The following RNF43 variants were observed in gnomAD, a reference collection of about 807,000 sequenced individuals.
RNF43 encodes the protein E3 ubiquitin-protein ligase RNF43.
In RNF43, 37 loss-of-function variants were observed where a neutral mutation model predicts 78.4. The observed-to-expected ratio is 0.47, with a 90% confidence interval of 0.36 to 0.62. The LOEUF is 0.62. RNF43 is among the 20% of genes least tolerant of loss of function. RNF43 has a pLI of 0.00. For synonymous variants in RNF43, 347 were observed against 395.0 expected (o/e 0.88, Z 1.44); for missense variants, 774 against 1,007.9 (o/e 0.77, Z 3.14).
chr17:58,358,641 G>A lies in RNF43; in HGVS notation c.1135C>T (p.Gln379Ter), dbSNP rs1366537134. The A allele has an allele frequency of 6.5e-7, 1 of 1,534,148 alleles. No homozygotes were observed. The highest frequency in any genetic ancestry group is 8.8e-7 in the Non-Finnish European group (1 of 1,137,926). Reference protein sequence around the residue: ...PPRPGPFLPSQEPGMGPRHHR... With the variant: ...PPRPGPFLPS ...TGCCGAGGGCCCATGCCTGGCTCCT[G>A]GGATGGCAGGAAGGGACCAGGTCGT... The change falls in exon 9 of 10, where the codon CAG (glutamine) becomes TAG (stop). Residue 379 changes from glutamine to a stop codon, truncating the protein, a stop_gained. Transcript: ENST00000407977. LOFTEE classifies it high-confidence loss of function. The surrounding 1 kb of genome is among the most constrained non-coding windows in gnomAD (Gnocchi z 6.2).
chr17:58,408,428 T>A (rs1229364937), intron 2 of RNF43, among the ~76,000 whole-genome samples: 2 of 152,186 alleles, frequency 1.3e-5, no homozygotes, highest in African/African-American at 4.8e-5. Flanking sequence ...CAAATTTAAG[T>A]ACTAAGAAGG....
intron 5 of RNF43, 55 bp from the exon 6 acceptor site, chr17:58,362,703 T>C: frequency 7.1e-7 from 1 of 1,416,856 alleles, no homozygotes; most frequent in Non-Finnish European, 9.7e-7. Context: ...GCTGGGTCAA[T>C]TCGGGAGGAA....
chr17:58,361,739 C>T (rs1239021097), intron 6 of RNF43, among the ~76,000 whole-genome samples: 1 of 152,216 alleles, frequency 6.6e-6, no homozygotes, highest in African/African-American at 2.4e-5. Context: ...GTTCCAGCCA[C>T]AGCCTTCATG....
At chr17:58,393,521 T>C (rs183001999) in intron 2 of RNF43, among the ~76,000 whole-genome samples, 1 of 152,366 alleles carries the variant, frequency 6.6e-6, no homozygotes, top group East Asian at 1.9e-4. Flanking sequence ...TCTACTGTTA[T>C]TAGTAAGGAT....
At chr17:58,371,450 G>C (rs1973095025) in intron 2 of RNF43, among the ~76,000 whole-genome samples, 1 of 152,234 alleles carries the variant, frequency 6.6e-6, no homozygotes, top group African/African-American at 2.4e-5. Context: ...ATGTGTGCCT[G>C]CATCAGTGCT....
chr17:58,369,165 T>A (rs1973027199), intron 3 of RNF43, among the ~76,000 whole-genome samples: 1 of 151,584 alleles, frequency 6.6e-6, no homozygotes, highest in Non-Finnish European at 1.5e-5. Context: ...AATAAATGAG[T>A]GACATTTGCC....
chr17:58,366,159 T>C lies in RNF43; in HGVS notation c.376-2559A>G, dbSNP rs146264917. On this transcript the variant is annotated intron_variant, in intron 3 of 9. Coordinates refer to ENST00000407977, the MANE Select transcript of RNF43 (RefSeq NM_017763.6). ...ACATGAAGCTATAACGCTGATAATATTCTAAAGCACAAAGGAATAGAAACG... is the reference window on the plus strand; with the variant it reads ...ACATGAAGCTATAACGCTGATAATACTCTAAAGCACAAAGGAATAGAAACG... 5.6e-4 allele frequency among the ~76,000 whole-genome samples: 86 copies of C among 152,364 alleles called. 2 individuals carry two copies. In the East Asian group the frequency reaches 0.014, roughly 25 times the overall value.
chr17:58,390,851 TTTTG>T lies in RNF43; in HGVS notation c.253-19822_253-19819del, dbSNP rs1362392197. On this transcript the variant is annotated intron_variant, in intron 2 of 9. Transcript: ENST00000407977. ...AAATTTTAAACAAAGGACTGAAACT[TTTTG>T]TTTTTCACAGAATGAAGTTTCCCTG... is the stretch of plus-strand genomic sequence containing the variant. 2.6e-5 allele frequency among the ~76,000 whole-genome samples: 4 copies of T among 152,276 alleles called. No homozygotes were observed. In the South Asian group the frequency reaches 6.2e-4, roughly 24 times the overall value.
intron 3 of RNF43, among the ~76,000 whole-genome samples, chr17:58,370,434 G>C (rs1187338674): frequency 6.6e-6 from 1 of 152,202 alleles, no homozygotes; most frequent in African/African-American, 2.4e-5. Context: ...ACATTGAAAA[G>C]TCGCTGTGAG....
At chr17:58,379,294 T>C (rs991010645) in intron 2 of RNF43, among the ~76,000 whole-genome samples, 1 of 152,186 alleles carries the variant, frequency 6.6e-6, no homozygotes, top group Non-Finnish European at 1.5e-5. Context: ...TGTCTGCTCC[T>C]TGTGCTCTGC....
At chr17:58,393,628 T>C (rs892859427) in intron 2 of RNF43, among the ~76,000 whole-genome samples, 1 of 152,208 alleles carries the variant, frequency 6.6e-6, no homozygotes, top group Non-Finnish European at 1.5e-5. Context: ...TGTTGTTCAA[T>C]AGTCAACTGT....
At position 58,360,347 on chromosome 17, in the gene RNF43, C is replaced by T; in HGVS notation, c.850-96G>A. The T allele has an allele frequency of 1.2e-6, 1 of 809,572 alleles. No homozygotes were observed. Among genetic ancestry groups the T allele is most frequent in the Non-Finnish European group, 2.1e-6 (1 of 479,352 alleles). The allele number at this position is 809,572 out of a possible 1,614,324, so 50.1% of individuals were successfully genotyped here. A position where few individuals can be genotyped will look rare whatever the true frequency, so the allele number is the denominator to read the frequency against. ...CCCAACTCCCTTAGGCCTCTCCTTG[C>T]TATTATCTACTTGTAAAAGACCTCA... On this transcript the variant is annotated intron_variant, in intron 7 of 9. Coordinates refer to ENST00000407977, the MANE Select transcript of RNF43 (RefSeq NM_017763.6). The surrounding 1 kb of genome is among the most constrained non-coding windows in gnomAD (Gnocchi z 4.3).
intron 3 of RNF43, among the ~76,000 whole-genome samples, chr17:58,367,234 C>CCAGA: frequency 6.6e-6 from 1 of 151,958 alleles, no homozygotes; most frequent in East Asian, 1.9e-4. Context: ...CTCCTGACCT[C>CCAGA]GTGATCCACC....
At chr17:58,365,604 T>G (rs1279617702) in intron 3 of RNF43, among the ~76,000 whole-genome samples, 1 of 152,196 alleles carries the variant, frequency 6.6e-6, no homozygotes, top group African/African-American at 2.4e-5. Context: ...AACAGGACTT[T>G]CAGACAGTGA....
chr17:58,364,941 A>C (rs1174634921), intron 3 of RNF43, among the ~76,000 whole-genome samples: 1 of 152,146 alleles, frequency 6.6e-6, no homozygotes, highest in African/African-American at 2.4e-5. Flanking sequence ...CCAGGGGGCC[A>C]CTCAGAACCC....
intron 3 of RNF43, among the ~76,000 whole-genome samples, chr17:58,367,654 T>C (rs1658015195): frequency 6.6e-6 from 1 of 152,190 alleles, no homozygotes. Context: ...ATCACCAGGA[T>C]GGCTGTGGAG....
At chr17:58,386,524 T>C (rs150905937) in intron 2 of RNF43, among the ~76,000 whole-genome samples, 4 of 152,354 alleles carry the variant, frequency 2.6e-5, no homozygotes, top group Non-Finnish European at 4.4e-5. Flanking sequence ...CTGCACATAG[T>C]AATCACTCAA....
rs1442522906 is a variant in RNF43 at position 58,358,703 on chromosome 17, A to C, written c.1073T>G (p.Leu358Arg). 1 of 1,544,932 alleles carries C rather than the reference A, an allele frequency of 6.5e-7. No homozygotes were observed. Among genetic ancestry groups the C allele is most frequent in the Non-Finnish European group, 8.7e-7 (1 of 1,143,970 alleles). ...CACTGCACTCCGGGAAGGGCCCAAC[A>C]GGTAGGCAGCAGGGAGGTGGTAGTG... is the stretch of plus-strand genomic sequence containing the variant. ...HAHYHLPAAY[L>R]LGPSRSAVAR... The change falls in exon 9 of 10, where the codon CTG (leucine) becomes CGG (arginine). Residue 358 changes from leucine (L) to arginine (R), a missense_variant. Coordinates refer to ENST00000407977, the MANE Select transcript of RNF43 (RefSeq NM_017763.6). This position sits in a 1 kb window ranked among gnomAD's most constrained non-coding sequence, Gnocchi z 6.2.
rs2143425924 is a variant in RNF43, at chr17:58,358,731, C to A, written c.1045G>T (p.Ala349Ser). The A allele has an allele frequency of 6.4e-7, 1 of 1,558,566 alleles. No individual in the cohort carries two copies. The highest frequency in any genetic ancestry group is 1.2e-5 in the South Asian group (1 of 84,962). The change falls in exon 9 of 10, where the codon GCC (alanine) becomes TCC (serine). Residue 349 changes from alanine (A) to serine (S), a missense_variant. Transcript: ENST00000407977. This position sits in a 1 kb window ranked among gnomAD's most constrained non-coding sequence, Gnocchi z 6.2. ...LHLIRQHPGH[A>S]HYHLPAAYLL... ...TAGGCAGCAGGGAGGTGGTAGTGGGCATGGCCGGGATGCTGGCGAATGAGG... is the reference window on the plus strand; with the variant it reads ...TAGGCAGCAGGGAGGTGGTAGTGGGAATGGCCGGGATGCTGGCGAATGAGG...
Sources: allele counts gnomAD v4.1 joint callset (sites outside exome capture counted in the v4.1 genomes callset), GRCh38; gene constraint gnomAD v4.1.1; non-coding constraint Gnocchi (gnomAD v3.1); transcripts MANE v1.5; gene names NCBI Gene and HGNC (gene_info 2026-07-23, HGNC 2026-07-21).